Variants in ZC3HAV1 observed in about 807,000 individuals in gnomAD.
The protein encoded by ZC3HAV1 is zinc finger CCCH-type containing, antiviral 1, also known as zinc finger CCCH-type antiviral protein 1.
A neutral mutation model predicts 86.6 loss-of-function variants in ZC3HAV1; 41 were observed. That is an observed-to-expected ratio of 0.47 (90% CI 0.37 to 0.61). The LOEUF is 0.61. ZC3HAV1 is among the 20% of genes least tolerant of loss of function. The probability of loss-of-function intolerance (pLI) is 0.00; values close to 1 mark genes in which losing one functional copy is unlikely to be tolerated. For missense variants in ZC3HAV1, 964 were observed against 1,141.1 expected (o/e 0.84, Z 2.24); for synonymous variants, 421 against 432.1 (o/e 0.97, Z 0.32).
At chr7:139,083,726 CAAA>C (rs34732980) in intron 3 of ZC3HAV1, 51 bp downstream of exon 3, 9,070 of 1,294,562 alleles carry the variant, frequency 7.0e-3, no homozygotes, top group South Asian at 0.014. Flanking sequence ...GACTCTGTCT[CAAA>C]AAAAAAAAAA....
In ZC3HAV1 at chr7:139,061,080, T is replaced by C. The variant is rs114836730; in HGVS notation, c.2052A>G (p.Thr684=). 640 of 1,613,794 alleles carry C rather than the reference T, an allele frequency of 4.0e-4. 2 individuals carry two copies. In the African/African-American group the frequency reaches 7.1e-3, roughly 18 times the overall value. The part of the protein sequence containing the change: ...KTQKDVIRRP[T]FVPQWYVQQM... ...GCTGCACATACCACTGAGGCACAAA[T>C]GTTGGTCTTCTGATGACATCCTTTT... The change falls in exon 9 of 13, where the codon ACA becomes ACG. Residue 684 remains threonine, a synonymous_variant. Transcript: ENST00000242351.
At chr7:139,084,107 A>C in intron 2 of ZC3HAV1, 75 bp from the exon 3 acceptor site, 207 of 1,552,614 alleles carry the variant, frequency 1.3e-4, no homozygotes, top group Non-Finnish European at 1.7e-4. Flanking sequence ...AGGCAAGCTC[A>C]CGTGTGCAAA....
At chr7:139,095,411 G>A (rs1817555565) in intron 1 of ZC3HAV1, among the ~76,000 whole-genome samples, 1 of 152,150 alleles carries the variant, frequency 6.6e-6, no homozygotes. Flanking sequence ...GATGTGGGGA[G>A]ACACAGAGGG....
intron 7 of ZC3HAV1, among the ~76,000 whole-genome samples, chr7:139,073,173 C>T (rs1021468162): frequency 6.6e-6 from 1 of 151,918 alleles, no homozygotes; most frequent in Non-Finnish European, 1.5e-5. Context: ...GTGGTGCATG[C>T]CTGTAATCCC....
rs1468437477 is a variant in ZC3HAV1 at position 139,046,206 on chromosome 7, T to C, written c.*1388A>G. On this transcript the variant is annotated 3_prime_UTR_variant, in exon 13 of 13. Coordinates refer to ENST00000242351, the MANE Select transcript of ZC3HAV1 (RefSeq NM_020119.4). Reference sequence around the variant, plus strand: ...GGCACTACAATTCCACATAATCCATTACATTTGGAAAAAGAAGCTCCTGGT... The same window carrying C: ...GGCACTACAATTCCACATAATCCATCACATTTGGAAAAAGAAGCTCCTGGT... The C allele has an allele frequency of 1.3e-5, 2 of 152,082 alleles. No individual in the cohort carries two copies. Among genetic ancestry groups the C allele is most frequent in the Non-Finnish European group, 2.9e-5 (2 of 68,014 alleles). The allele number at this position is 152,082 out of a possible 1,614,324, so 9.4% of individuals were successfully genotyped here. A position where few individuals can be genotyped will look rare whatever the true frequency, so the allele number is the denominator to read the frequency against.
intron 9 of ZC3HAV1, among the ~76,000 whole-genome samples, chr7:139,056,288 T>C (rs1277995781): frequency 6.6e-6 from 1 of 151,270 alleles, no homozygotes; most frequent in Non-Finnish European, 1.5e-5. Flanking sequence ...AGTGCTAGGA[T>C]TATAAGCATC....
intron 2 of ZC3HAV1, among the ~76,000 whole-genome samples, chr7:139,084,437 T>C (rs772453427): frequency 1.8e-4 from 27 of 152,402 alleles, no homozygotes; most frequent in Non-Finnish European, 2.6e-4. Context: ...TAGACTCTGC[T>C]AGGCAGAATG....
Position 139,076,373 on chromosome 7 carries a change from C to T in ZC3HAV1, c.1610G>A (p.Arg537Gln), listed in dbSNP as rs749777596. 18 of 1,613,946 alleles carry T rather than the reference C, an allele frequency of 1.1e-5. No individual in the cohort carries two copies. The highest frequency in any genetic ancestry group is 2.2e-5 in the East Asian group (1 of 44,890). The change falls in exon 6 of 13, where the codon CGG becomes CAG. Residue 537 changes from arginine (R) to glutamine (Q), a missense_variant. By Grantham distance (43) the Arg-to-Gln change is conservative. Transcript: ENST00000242351. ...GGTTTTACCAATAAGCATCTGCCAC[C>T]GGTAAGGCAGATGGAAGTGGACTTT... ...CSKVHFHLPY[R>Q]WQMLIGKTWT...
At position 139,064,861 on chromosome 7, in the gene ZC3HAV1, C is replaced by G. The variant is rs1447600126; in HGVS notation, c.1993+18G>C. 6.2e-7 allele frequency: 1 copy of G among 1,614,018 alleles called. No homozygotes were observed. The highest frequency in any genetic ancestry group is 1.1e-5 in the South Asian group (1 of 91,078). ...CGGATTTCAATGACACACAACACTG[C>G]CAAACACAGAAACCCACCTTGGAAA... On this transcript the variant is annotated intron_variant, in intron 8 of 12. Coordinates refer to ENST00000242351, the MANE Select transcript of ZC3HAV1 (RefSeq NM_020119.4).
intron 7 of ZC3HAV1, among the ~76,000 whole-genome samples, chr7:139,069,480 T>C (rs1816704180): frequency 6.6e-6 from 1 of 152,184 alleles, no homozygotes; most frequent in Non-Finnish European, 1.5e-5. Context: ...GCTTAGCTAC[T>C]TTGCTGGTAA....
chr7:139,074,058 T>C (rs1247990359), intron 6 of ZC3HAV1, 28 bp from the exon 7 acceptor site: 31 of 1,590,272 alleles, frequency 1.9e-5, no homozygotes, highest in Non-Finnish European at 2.5e-5. Flanking sequence ...TAAGTTAACA[T>C]AATGCTTCAT....
chr7:139,080,038 C>T lies in ZC3HAV1; in HGVS notation c.903G>A (p.Gly301=), dbSNP rs1204868174. The T allele has an allele frequency of 1.2e-6, 2 of 1,614,050 alleles. No homozygotes were observed. Among genetic ancestry groups the T allele is most frequent in the Non-Finnish European group, 1.7e-6 (2 of 1,180,042 alleles). ...AGGGAGGCCGAGCGCGATCCTGACT[C>T]CCCAGATACGTGAACTTGCGGGTGA... ...DDLTRKFTYL[G]SQDRARPPSG... Residue 301 remains glycine, a synonymous_variant, in exon 4 of 13, where the codon GGG becomes GGA. Coordinates refer to ENST00000242351, the MANE Select transcript of ZC3HAV1 (RefSeq NM_020119.4).
rs752035553 is a variant in ZC3HAV1, at chr7:139,083,952, G to C, written c.525C>G (p.Asp175Glu). 6.2e-6 allele frequency: 10 copies of C among 1,614,088 alleles called. No homozygotes were observed. Among genetic ancestry groups the C allele is most frequent in the Non-Finnish European group, 8.5e-6 (10 of 1,180,010 alleles). The change falls in exon 3 of 13, where the codon GAC (aspartate) becomes GAG (glutamate). Residue 175 changes from aspartate to glutamate, a missense_variant. Transcript: ENST00000242351. ...QPPCSRLHIC[D>E]HFTRGNCRFP... Reference sequence around the variant, plus strand: ...AACGACAGTTCCCTCGGGTGAAGTGGTCACAGATGTGGAGTCTTGAACACG... The same window carrying C: ...AACGACAGTTCCCTCGGGTGAAGTGCTCACAGATGTGGAGTCTTGAACACG...
At chr7:139,055,442 A>G (rs1816256460) in intron 9 of ZC3HAV1, 147 bp from the exon 10 acceptor site, 2 of 533,302 alleles carry the variant, frequency 3.8e-6, no homozygotes, top group East Asian at 6.4e-5. Context: ...ACATCCTCAC[A>G]TATTCCTGGT....
chr7:139,083,951 G>C lies in ZC3HAV1; in HGVS notation c.526C>G (p.His176Asp). 1 of 1,614,060 alleles carries C rather than the reference G, an allele frequency of 6.2e-7. No homozygotes were observed. Among genetic ancestry groups the C allele is most frequent in the Non-Finnish European group, 8.5e-7 (1 of 1,180,012 alleles). Reference sequence around the variant, plus strand: ...AAACGACAGTTCCCTCGGGTGAAGTGGTCACAGATGTGGAGTCTTGAACAC... The same window carrying C: ...AAACGACAGTTCCCTCGGGTGAAGTCGTCACAGATGTGGAGTCTTGAACAC... ...PPCSRLHICD[H>D]FTRGNCRFPN... Residue 176 changes from histidine to aspartate, a missense_variant, in exon 3 of 13, where the codon CAC (histidine) becomes GAC (aspartate). Transcript: ENST00000242351.
chr7:139,060,894 C>T (rs1387632199), intron 9 of ZC3HAV1, 142 bp downstream of exon 9: 27 of 1,572,652 alleles, frequency 1.7e-5, no homozygotes, highest in African/African-American at 8.1e-5. Context: ...TCTTACTCAT[C>T]GATAATGCAA....
chr7:139,096,686 T>TA (rs1817597632), intron 1 of ZC3HAV1, among the ~76,000 whole-genome samples: 1 of 152,196 alleles, frequency 6.6e-6, no homozygotes, highest in Non-Finnish European at 1.5e-5. Flanking sequence ...TATTCAGAAC[T>TA]AAAAAATTCA....
chr7:139,108,939 C>A lies in ZC3HAV1; in HGVS notation c.308+85G>T. 1.4e-6 allele frequency: 2 copies of A among 1,441,572 alleles called. No homozygotes were observed. Among genetic ancestry groups the A allele is most frequent in the Non-Finnish European group, 1.8e-6 (2 of 1,085,504 alleles). 89.3% of individuals were successfully genotyped at this position (1,441,572 alleles called of 1,614,324 possible). A position where few individuals can be genotyped will look rare whatever the true frequency, so the allele number is the denominator to read the frequency against. On this transcript the variant is annotated intron_variant, in intron 1 of 12. Coordinates refer to ENST00000242351, the MANE Select transcript of ZC3HAV1 (RefSeq NM_020119.4). This position sits in a 1 kb window ranked among gnomAD's most constrained non-coding sequence, Gnocchi z 4.2. ...GTCAGGTGCGGGGTCCCGGCGAAGCCGTGCCCCTCCCAGAACATTGCCCGC... is the reference window on the plus strand; with the variant it reads ...GTCAGGTGCGGGGTCCCGGCGAAGCAGTGCCCCTCCCAGAACATTGCCCGC...
chr7:139,063,377 GT>G (rs1056296099), intron 8 of ZC3HAV1, among the ~76,000 whole-genome samples: 7 of 151,680 alleles, frequency 4.6e-5, no homozygotes, highest in African/African-American at 1.2e-4. Context: ...TGATTTTTGT[GT>G]TTTTTTTAAC....
Sources: allele counts gnomAD v4.1 joint callset (sites outside exome capture counted in the v4.1 genomes callset), GRCh38; gene constraint gnomAD v4.1.1; non-coding constraint Gnocchi (gnomAD v3.1); transcripts MANE v1.5; gene names NCBI Gene and HGNC (gene_info 2026-07-23, HGNC 2026-07-21).